The following NDUFB5 variants were observed in gnomAD, a reference collection of about 807,000 sequenced individuals.
The protein encoded by NDUFB5 is NADH dehydrogenase [ubiquinone] 1 beta subcomplex subunit 5, mitochondrial.
In NDUFB5, 19 loss-of-function variants were observed where a neutral mutation model predicts 19.4. The ratio of observed to expected loss-of-function variants is 0.98; its 90% CI spans 0.68 to 1.43. The LOEUF is 1.43. NDUFB5 is among the 40% of genes most tolerant of loss of function. NDUFB5 has a pLI of 0.00. For synonymous variants in NDUFB5, 80 were observed against 82.6 expected, an observed-to-expected ratio of 0.97 and a Z score of 0.17; for missense variants, 233 against 236.5, an observed-to-expected ratio of 0.99 and a Z score of 0.10.
In NDUFB5 at chr3:179,604,802, T is replaced by A. The variant is rs763288688; in HGVS notation, c.-14T>A. The A allele has an allele frequency of 1.5e-4, 240 of 1,610,394 alleles. 1 individual carries two copies. The South Asian group carries it at 2.1e-3, about 14-fold the overall frequency. On this transcript the variant is annotated 5_prime_UTR_variant, in exon 1 of 6. Transcript: ENST00000259037. ...CGTGACCCGCCTCCCTTCTTCCTCC[T>A]GCCCGTAGTAGCCATGGCGGCCATG... is the stretch of plus-strand genomic sequence containing the variant.
chr3:179,626,144 C>T lies in NDUFB5; in HGVS notation c.*2104C>T, dbSNP rs1036080716. The stretch of plus-strand genomic sequence containing the variant: ...GAACATTTTAACTGGGGTGAGATAT[C>T]TTAATGTGGTATTGGTTTACATTTC... On this transcript the variant is annotated 3_prime_UTR_variant, in exon 6 of 6. Coordinates refer to ENST00000259037, the MANE Select transcript of NDUFB5 (RefSeq NM_002492.4). 2.0e-5 allele frequency: 3 copies of T among 151,954 alleles called. No homozygotes were observed. The highest frequency in any genetic ancestry group is 7.3e-5 in the African/African-American group (3 of 41,356). The allele number at this position is 151,954 out of a possible 1,614,324, so 9.4% of individuals were successfully genotyped here. A position where few individuals can be genotyped will look rare whatever the true frequency, so the allele number is the denominator to read the frequency against.
At chr3:179,610,723 A>T (rs905620715) in intron 1 of NDUFB5, among the ~76,000 whole-genome samples, 8 of 152,340 alleles carry the variant, frequency 5.3e-5, no homozygotes, top group African/African-American at 1.9e-4. Flanking sequence ...TAGCAGATAA[A>T]GCTATTCTGT....
At chr3:179,610,884 G>A (rs1398981883) in intron 1 of NDUFB5, among the ~76,000 whole-genome samples, 1 of 152,220 alleles carries the variant, frequency 6.6e-6, no homozygotes, top group Non-Finnish European at 1.5e-5. Context: ...TAATATGGAT[G>A]TATAAACAGA....
intron 2 of NDUFB5, 146 bp downstream of exon 2, chr3:179,615,205 G>T: frequency 2.2e-6 from 1 of 449,108 alleles, no homozygotes; most frequent in Non-Finnish European, 4.0e-6. Flanking sequence ...AGACTGTAAA[G>T]TCTGATTTGT....
intron 1 of NDUFB5, among the ~76,000 whole-genome samples, chr3:179,612,789 A>G (rs1560024596): frequency 6.6e-6 from 1 of 152,192 alleles, no homozygotes; most frequent in Non-Finnish European, 1.5e-5. Flanking sequence ...AACCGCAATT[A>G]CTTTCAGTTG....
intron 4 of NDUFB5, chr3:179,617,356 T>G (rs1292258627): frequency 5.4e-6 from 1 of 184,700 alleles, no homozygotes; most frequent in Non-Finnish European, 1.1e-5. Context: ...CAGGCTTTTC[T>G]GGAACTCCTG....
chr3:179,618,364 G>T, intron 4 of NDUFB5, 51 bp from the exon 5 acceptor site: 1 of 1,218,198 alleles, frequency 8.2e-7, no homozygotes, highest in Non-Finnish European at 1.2e-6. Flanking sequence ...AACTAGAAAA[G>T]CAAAGTATTA....
At chr3:179,615,096 A>G (rs1441287958) in intron 2 of NDUFB5, 37 bp downstream of exon 2, 8 of 1,420,100 alleles carry the variant, frequency 5.6e-6, no homozygotes, top group Non-Finnish European at 7.7e-6. Context: ...AAGTCTTTGC[A>G]TGTAACAGGG....
At chr3:179,618,147 C>T (rs1160708253) in intron 4 of NDUFB5, 2 of 270,068 alleles carry the variant, frequency 7.4e-6, no homozygotes, top group Non-Finnish European at 1.4e-5. Context: ...GAAAAGAGTA[C>T]ACAGCTTTGG....
chr3:179,620,165 G>A (rs527778315), intron 5 of NDUFB5, among the ~76,000 whole-genome samples: 2 of 152,216 alleles, frequency 1.3e-5, no homozygotes, highest in African/African-American at 4.8e-5. Flanking sequence ...TCACTCTGAT[G>A]GTAGTTTCTT....
At chr3:179,608,755 C>T (rs763869004) in intron 1 of NDUFB5, among the ~76,000 whole-genome samples, 1 of 152,160 alleles carries the variant, frequency 6.6e-6, no homozygotes, top group African/African-American at 2.4e-5. Flanking sequence ...TTACCCTTAT[C>T]TTATCTCCTG....
At chr3:179,619,507 A>G (rs546218021) in intron 5 of NDUFB5, among the ~76,000 whole-genome samples, 1 of 152,208 alleles carries the variant, frequency 6.6e-6, no homozygotes, top group Non-Finnish European at 1.5e-5. Flanking sequence ...AGCTTCATCC[A>G]TGTCCCTACA....
At chr3:179,618,565 G>A (rs1186912586) in intron 5 of NDUFB5, 44 bp downstream of exon 5, 1 of 1,305,242 alleles carries the variant, frequency 7.7e-7, no homozygotes, top group Non-Finnish European at 1.1e-6. Context: ...ATCTTCCTAA[G>A]GTAGCAAACC....
chr3:179,611,835 C>A (rs914285165), intron 1 of NDUFB5, among the ~76,000 whole-genome samples: 17 of 151,990 alleles, frequency 1.1e-4, no homozygotes, highest in African/African-American at 3.9e-4. Flanking sequence ...GTCATTGAAG[C>A]CTTGGGCCTA....
intron 1 of NDUFB5, among the ~76,000 whole-genome samples, chr3:179,605,909 A>C (rs1046329096): frequency 6.6e-5 from 10 of 151,858 alleles, no homozygotes; most frequent in African/African-American, 2.4e-4. Context: ...CTCCCGCCTC[A>C]GCCTCCCCAG....
In NDUFB5 at chr3:179,604,878, G is replaced by A. The variant is rs372245654; in HGVS notation, c.63G>A (p.Arg21=). 1.1e-5 allele frequency: 18 copies of A among 1,596,198 alleles called. No individual in the cohort carries two copies. The highest frequency in any genetic ancestry group is 1.9e-5 in the Admixed American group (1 of 52,708). ...SVTAVAALSG[R]PLGTRLGFGG... ...CTGCGGTGGCAGCTCTGTCTGGCCG[G>A]CCCCTTGGCACTCGCCTCGGATTTG... The change falls in exon 1 of 6, where the codon CGG becomes CGA. Residue 21 remains arginine, a synonymous_variant. Coordinates refer to ENST00000259037, the MANE Select transcript of NDUFB5 (RefSeq NM_002492.4).
At chr3:179,616,431 A>G (rs757142056) in intron 3 of NDUFB5, among the ~76,000 whole-genome samples, 60 of 151,992 alleles carry the variant, frequency 3.9e-4, no homozygotes, top group Non-Finnish European at 6.8e-4. Flanking sequence ...AATCCCAGCT[A>G]CTCGGGAGGC....
rs1163160671 is a variant in NDUFB5, at chr3:179,625,941, A to G, written c.*1901A>G. ...TCTATATCCATTTATCTGTTGATGG[A>G]CACAGGTTGCAAAGGGATTGCTGGA... On this transcript the variant is annotated 3_prime_UTR_variant, in exon 6 of 6. Transcript: ENST00000259037. 6.6e-6 allele frequency: 1 copy of G among 152,192 alleles called. No individual in the cohort carries two copies. Among genetic ancestry groups the G allele is most frequent in the Non-Finnish European group, 1.5e-5 (1 of 68,036 alleles). 9.4% of individuals were successfully genotyped at this position (152,192 alleles called of 1,614,324 possible).
chr3:179,619,769 G>A (rs1056779726), intron 5 of NDUFB5, among the ~76,000 whole-genome samples: 6 of 152,254 alleles, frequency 3.9e-5, no homozygotes, highest in East Asian at 1.9e-4. Context: ...CTGAGGAATC[G>A]CCACACTGAC....
Sources: gnomAD v4.1 joint callset for allele counts (sites outside exome capture counted in the v4.1 genomes callset) on GRCh38, gnomAD v4.1.1 for gene constraint, MANE v1.5 for transcripts, NCBI Gene and HGNC (gene_info 2026-07-23, HGNC 2026-07-21) for gene names.